BACH2: variants seen among roughly 807,000 people sequenced by gnomAD.
The protein encoded by BACH2 is transcription regulator protein BACH2.
In BACH2, 5 loss-of-function variants were observed where a neutral mutation model predicts 61.8. That is an observed-to-expected ratio of 0.08 (90% confidence interval 0.04 to 0.17). BACH2 has a LOEUF of 0.17. Among genes scored for constraint, BACH2 ranks in the 10% least tolerant of loss-of-function variants. The pLI is 1.00. For missense variants in BACH2, 824 were observed against 1,091.1 expected, an observed-to-expected ratio of 0.76 and a Z score of 3.45; for synonymous variants, 446 against 440.1, an observed-to-expected ratio of 1.01 and a Z score of -0.17.
chr6:89,979,860 C>T (rs1442547892), intron 6 of BACH2, among the ~76,000 whole-genome samples: 2 of 152,196 alleles, frequency 1.3e-5, no homozygotes, highest in African/African-American at 4.8e-5. Context: ...GTTTAATCTT[C>T]CTTCCTTAGA....
intron 3 of BACH2, among the ~76,000 whole-genome samples, chr6:90,243,833 A>ACCTT (rs1770539188): frequency 1.3e-5 from 2 of 152,232 alleles, no homozygotes; most frequent in Non-Finnish European, 2.9e-5. Flanking sequence ...GAAAACCATT[A>ACCTT]GAAGGCATCT....
At chr6:90,191,163 G>A (rs942596339) in intron 4 of BACH2, among the ~76,000 whole-genome samples, 2 of 152,174 alleles carry the variant, frequency 1.3e-5, no homozygotes, top group Non-Finnish European at 2.9e-5. Context: ...AGTAAGACCT[G>A]CATAACCTGG....
At chr6:90,240,066 T>A (rs1332503273) in intron 3 of BACH2, among the ~76,000 whole-genome samples, 1 of 152,144 alleles carries the variant, frequency 6.6e-6, no homozygotes, top group Non-Finnish European at 1.5e-5. Context: ...AACAGATATA[T>A]TTTATTATTT....
At chr6:90,208,236 C>T (rs1769218174) in intron 3 of BACH2, among the ~76,000 whole-genome samples, 1 of 152,130 alleles carries the variant, frequency 6.6e-6, no homozygotes, top group Admixed American at 6.5e-5. Context: ...AGCTTCTGCA[C>T]AGCAAAAGAA....
intron 4 of BACH2, among the ~76,000 whole-genome samples, chr6:90,201,183 T>G (rs1441685578): frequency 6.6e-6 from 1 of 152,198 alleles, no homozygotes; most frequent in African/African-American, 2.4e-5. Context: ...AACACATCCA[T>G]GGCGGTTCTC....
intron 4 of BACH2, among the ~76,000 whole-genome samples, chr6:90,139,916 A>G (rs2501726): frequency 0.13 from 19,173 of 152,212 alleles, 2,195 homozygotes; most frequent in African/African-American, 0.31. Context: ...TCCCCAAATC[A>G]GGGCTTAAAT....
Position 90,215,026 on chromosome 6 carries a change from A to G in BACH2, c.-274-8345T>C, listed in dbSNP as rs1769484533. Reference sequence around the variant, plus strand: ...TGTGTTGGCCTCCCAAATTGCTGGGATTACAGGCATGAGCCACTGTATCTG... The same window carrying G: ...TGTGTTGGCCTCCCAAATTGCTGGGGTTACAGGCATGAGCCACTGTATCTG... On this transcript the variant is annotated intron_variant, in intron 3 of 8. Transcript: ENST00000257749. Among the ~76,000 whole-genome samples the G allele has an allele frequency of 2.0e-5, 3 of 152,022 alleles. No individual in the cohort carries two copies. The South Asian group carries it at 6.2e-4, about 32-fold the overall frequency.
At chr6:89,984,737 T>C (rs921514879) in intron 6 of BACH2, among the ~76,000 whole-genome samples, 1 of 152,188 alleles carries the variant, frequency 6.6e-6, no homozygotes, top group Non-Finnish European at 1.5e-5. Flanking sequence ...TACAGGTACT[T>C]AGGACCCACT....
intron 5 of BACH2, among the ~76,000 whole-genome samples, chr6:90,057,741 C>A (rs921372067): frequency 2.6e-5 from 4 of 152,184 alleles, no homozygotes; most frequent in Admixed American, 2.6e-4. Flanking sequence ...TACTGGCAAA[C>A]TGAATCCAGC....
chr6:90,239,832 C>T (rs1227243138), intron 3 of BACH2, among the ~76,000 whole-genome samples: 3 of 135,890 alleles, frequency 2.2e-5, no homozygotes, highest in Non-Finnish European at 4.9e-5. Context: ...CACACACACA[C>T]ACACACACAC....
At chr6:90,258,080 T>C (rs921907655) in intron 2 of BACH2, among the ~76,000 whole-genome samples, 3 of 152,154 alleles carry the variant, frequency 2.0e-5, no homozygotes, top group Non-Finnish European at 4.4e-5. Context: ...CAGCCCCCAT[T>C]TATTTAATTT....
chr6:89,955,176 T>A (rs146560401), intron 6 of BACH2, among the ~76,000 whole-genome samples: 1 of 152,206 alleles, frequency 6.6e-6, no homozygotes, highest in Non-Finnish European at 1.5e-5. Flanking sequence ...CCATGGTCAG[T>A]GCTAGTCAGT....
chr6:90,027,987 C>A (rs889908504), intron 5 of BACH2, among the ~76,000 whole-genome samples: 1 of 152,200 alleles, frequency 6.6e-6, no homozygotes, highest in African/African-American at 2.4e-5. Context: ...TTGCCAGATT[C>A]TCTTGCTTAA....
intron 4 of BACH2, among the ~76,000 whole-genome samples, chr6:90,136,228 T>G (rs1263976038): frequency 1.3e-5 from 2 of 152,200 alleles, no homozygotes; most frequent in Non-Finnish European, 2.9e-5. Flanking sequence ...CATAATTGAC[T>G]TTCTTCTTCT....
rs78715060 is a variant in BACH2 at position 90,274,501 on chromosome 6, G to A, written c.-445-2560C>T. On this transcript the variant is annotated intron_variant, in intron 1 of 8. Transcript: ENST00000257749. ...GAAAATCCGGTTGAAGTGCCACTCG[G>A]GTTCATGCAGTGGGTTACAGGGCGC... Among the ~76,000 whole-genome samples, 37 of 152,284 alleles carry A rather than the reference G, an allele frequency of 2.4e-4. No homozygotes were observed. In the East Asian group the frequency reaches 7.0e-3, roughly 29 times the overall value.
chr6:89,998,225 A>G (rs1776956797), intron 6 of BACH2, among the ~76,000 whole-genome samples: 1 of 151,600 alleles, frequency 6.6e-6, no homozygotes, highest in Non-Finnish European at 1.5e-5. Context: ...AGCTGCCAGT[A>G]TTTCTCTTTG....
At chr6:89,974,554 T>C (rs1775546712) in intron 6 of BACH2, among the ~76,000 whole-genome samples, 1 of 152,222 alleles carries the variant, frequency 6.6e-6, no homozygotes, top group Admixed American at 6.5e-5. Flanking sequence ...TCCTCACACG[T>C]TCCATGCATC....
chr6:90,227,971 C>T (rs1769970366), intron 3 of BACH2, among the ~76,000 whole-genome samples: 1 of 152,182 alleles, frequency 6.6e-6, no homozygotes. Flanking sequence ...ATTTGCCATC[C>T]CCAGCCTTTA....
At position 90,042,089 on chromosome 6, in the gene BACH2, T is replaced by C. The variant is rs190613316; in HGVS notation, c.-12-33233A>G. 4.1e-4 allele frequency among the ~76,000 whole-genome samples: 63 copies of C among 152,296 alleles called. No homozygotes were observed. In the East Asian group the frequency reaches 9.8e-3, roughly 24 times the overall value. On this transcript the variant is annotated intron_variant, in intron 5 of 8. Transcript: ENST00000257749. The stretch of plus-strand genomic sequence containing the variant: ...ACTGACACAGATACTTACCTAAACA[T>C]TGCATATAAATAAACTATGGGAAAC...
Sources: allele counts gnomAD v4.1 joint callset (sites outside exome capture counted in the v4.1 genomes callset), GRCh38; gene constraint gnomAD v4.1.1; transcripts MANE v1.5; gene names NCBI Gene and HGNC (gene_info 2026-07-23, HGNC 2026-07-21).